The following INPP4B variants were observed in gnomAD, a reference collection of about 807,000 sequenced individuals.
INPP4B encodes the protein inositol polyphosphate-4-phosphatase type II B.
INPP4B carries 55 observed loss-of-function variants against 122.5 expected under a neutral mutation model. That is an observed-to-expected ratio of 0.45 (90% CI 0.36 to 0.56). The LOEUF (loss-of-function observed/expected upper bound fraction) is 0.56. INPP4B is among the 20% of genes least tolerant of loss of function. The pLI, the probability that INPP4B is intolerant of heterozygous loss-of-function variation, is 0.00. For missense variants in INPP4B, 1,000 were observed against 1,097.7 expected (o/e 0.91, Z 1.26); for synonymous variants, 403 against 388.7 (o/e 1.04, Z -0.43).
intron 10 of INPP4B, among the ~76,000 whole-genome samples, chr4:142,265,213 A>G (rs1742188740): frequency 6.6e-6 from 1 of 152,200 alleles, no homozygotes; most frequent in Admixed American, 6.5e-5. Flanking sequence ...TGACAGCCCA[A>G]GCTGAGCAAT....
chr4:142,418,505 CAATG>C (rs1366501196), intron 5 of INPP4B, among the ~76,000 whole-genome samples: 2 of 151,944 alleles, frequency 1.3e-5, no homozygotes, highest in Non-Finnish European at 2.9e-5. Flanking sequence ...TTTTAAAAAA[CAATG>C]AGAATTCTAA....
intron 7 of INPP4B, among the ~76,000 whole-genome samples, chr4:142,339,289 A>G (rs934350297): frequency 6.6e-6 from 1 of 152,212 alleles, no homozygotes; most frequent in Non-Finnish European, 1.5e-5. Context: ...ACTCTGACTG[A>G]TACAGACTTA....
intron 2 of INPP4B, among the ~76,000 whole-genome samples, chr4:142,534,294 T>C (rs928748824): frequency 1.3e-5 from 2 of 152,122 alleles, no homozygotes; most frequent in African/African-American, 4.8e-5. Flanking sequence ...ACCTTCAAAA[T>C]TTACGTTGAA....
At chr4:142,756,587 T>A (rs1256733296) in intron 1 of INPP4B, among the ~76,000 whole-genome samples, 1 of 152,002 alleles carries the variant, frequency 6.6e-6, no homozygotes, top group Non-Finnish European at 1.5e-5. Flanking sequence ...TGGGCATAGA[T>A]TATTATAACT....
chr4:142,187,976 A>G lies in INPP4B; in HGVS notation c.1181+5111T>C, dbSNP rs575751813. Among the ~76,000 whole-genome samples, 4 of 152,158 alleles carry G rather than the reference A, an allele frequency of 2.6e-5. No homozygotes were observed. The South Asian group carries it at 8.3e-4, about 32-fold the overall frequency. On this transcript the variant is annotated intron_variant, in intron 15 of 25. Coordinates refer to ENST00000262992, the MANE Select transcript of INPP4B (RefSeq NM_001101669.3). Reference sequence around the variant, plus strand: ...ATTTTTAACAGAAAAAAATATAAGGATGTAGATTATATGTGGGAAAAAAAG... The same window carrying G: ...ATTTTTAACAGAAAAAAATATAAGGGTGTAGATTATATGTGGGAAAAAAAG...
At chr4:142,071,161 G>T (rs1767050628) in intron 25 of INPP4B, among the ~76,000 whole-genome samples, 2 of 152,112 alleles carry the variant, frequency 1.3e-5, no homozygotes, top group South Asian at 4.1e-4. Context: ...GAACAAAACA[G>T]AGTCCTCAGA....
chr4:142,311,262 C>T (rs937952541), intron 8 of INPP4B, among the ~76,000 whole-genome samples: 1 of 152,142 alleles, frequency 6.6e-6, no homozygotes, highest in African/African-American at 2.4e-5. Context: ...CAAAATAACA[C>T]GTAATCTGAG....
At chr4:142,668,196 A>G (rs775354400) in intron 2 of INPP4B, among the ~76,000 whole-genome samples, 1 of 152,218 alleles carries the variant, frequency 6.6e-6, no homozygotes, top group Non-Finnish European at 1.5e-5. Context: ...GGATGCAAGT[A>G]TGGTACAACA....
At chr4:142,460,024 T>C (rs1024479003) in intron 3 of INPP4B, among the ~76,000 whole-genome samples, 4 of 152,224 alleles carry the variant, frequency 2.6e-5, no homozygotes, top group Non-Finnish European at 5.9e-5. Context: ...CTTAGATATA[T>C]GTTCTCAAAG....
intron 2 of INPP4B, among the ~76,000 whole-genome samples, chr4:142,466,063 G>T (rs1817698555): frequency 6.6e-6 from 1 of 152,086 alleles, no homozygotes; most frequent in South Asian, 2.1e-4. Context: ...ACAGAAAATT[G>T]GTACCAAGGA....
At chr4:142,775,727 C>A (rs1022193050) in intron 1 of INPP4B, among the ~76,000 whole-genome samples, 5 of 152,004 alleles carry the variant, frequency 3.3e-5, no homozygotes, top group African/African-American at 1.2e-4. Flanking sequence ...TTTAAAAAAT[C>A]AGATTGTTTG....
chr4:142,818,790 C>T (rs1262278386), intron 1 of INPP4B, among the ~76,000 whole-genome samples: 1 of 152,070 alleles, frequency 6.6e-6, no homozygotes, highest in Non-Finnish European at 1.5e-5. Flanking sequence ...AGCCCCTCGC[C>T]CTTATTAGTT....
At chr4:142,594,548 T>G (rs1001980586) in intron 2 of INPP4B, among the ~76,000 whole-genome samples, 2 of 152,118 alleles carry the variant, frequency 1.3e-5, no homozygotes, top group Non-Finnish European at 2.9e-5. Flanking sequence ...GAAACTGGAT[T>G]TAAATACAGA....
chr4:142,171,009 C>T (rs1397358372), intron 16 of INPP4B, among the ~76,000 whole-genome samples: 1 of 151,686 alleles, frequency 6.6e-6, no homozygotes, highest in Non-Finnish European at 1.5e-5. Flanking sequence ...CTCAAAGACT[C>T]CTGGAATATG....
chr4:142,354,929 G>A (rs1474788439), intron 7 of INPP4B, among the ~76,000 whole-genome samples: 6 of 151,918 alleles, frequency 3.9e-5, no homozygotes, highest in Non-Finnish European at 7.4e-5. Context: ...AGGCAATTAT[G>A]TTTGTCTCAT....
At chr4:142,843,697 T>TA (rs1783835977) in intron 1 of INPP4B, among the ~76,000 whole-genome samples, 1 of 116,278 alleles carries the variant, frequency 8.6e-6, no homozygotes, top group Non-Finnish European at 1.7e-5. Flanking sequence ...TTCCATAATT[T>TA]CTTAACTTTT....
intron 12 of INPP4B, among the ~76,000 whole-genome samples, chr4:142,221,483 C>A (rs558632539): frequency 1.1e-4 from 17 of 150,826 alleles, no homozygotes; most frequent in Admixed American, 5.9e-4. Context: ...CATTACCAAT[C>A]TGAGGAAAAC....
intron 2 of INPP4B, among the ~76,000 whole-genome samples, chr4:142,641,304 T>C (rs1750370990): frequency 6.6e-6 from 1 of 152,178 alleles, no homozygotes; most frequent in African/African-American, 2.4e-5. Context: ...AGTTCTAGGG[T>C]ACATGTGCAC....
chr4:142,128,362 C>T (rs1180459174), intron 18 of INPP4B, among the ~76,000 whole-genome samples: 1 of 148,626 alleles, frequency 6.7e-6, no homozygotes, highest in Non-Finnish European at 1.5e-5. Context: ...CACACACACA[C>T]ACACACACAC....
Sources: allele counts gnomAD v4.1 joint callset (sites outside exome capture counted in the v4.1 genomes callset), GRCh38; gene constraint gnomAD v4.1.1; transcripts MANE v1.5; gene names NCBI Gene and HGNC (gene_info 2026-07-23, HGNC 2026-07-21).